Variants in CNIH3 observed in about 807,000 individuals in gnomAD.
CNIH3 encodes protein cornichon homolog 3.
In CNIH3, 14 loss-of-function variants were observed where a neutral mutation model predicts 24.1. The observed-to-expected ratio is 0.58, with a 90% CI of 0.38 to 0.91. The LOEUF (loss-of-function observed/expected upper bound fraction) is 0.91. CNIH3 is among the 40% of genes least tolerant of loss of function. The pLI is 0.00. For synonymous variants in CNIH3, 68 were observed against 73.8 expected (o/e 0.92, Z 0.40); for missense variants, 178 against 196.8 (o/e 0.90, Z 0.57).
chr1:224,717,789 C>T (rs560397410), intron 3 of CNIH3: 1 of 152,324 alleles, frequency 6.6e-6, no homozygotes, highest in South Asian at 2.1e-4. Context: ...TGTAAGGGAC[C>T]AGCCAGCGCT....
intron 1 of CNIH3, chr1:224,454,427 T>A: frequency 1.7e-6 from 1 of 593,612 alleles, no homozygotes; most frequent in Non-Finnish European, 2.1e-6. Context: ...GAACCAGTTC[T>A]CTCTTGTTTC....
chr1:224,736,328 G>A (rs973884314), intron 5 of CNIH3, among the ~76,000 whole-genome samples: 1 of 152,028 alleles, frequency 6.6e-6, no homozygotes, highest in African/African-American at 2.4e-5. Context: ...GTTTTGCTAT[G>A]TTGCCCAGGC....
intron 1 of CNIH3, among the ~76,000 whole-genome samples, chr1:224,462,897 C>CTTTTTTT (rs71572901): frequency 2.7e-5 from 2 of 73,400 alleles, no homozygotes; most frequent in African/African-American, 1.1e-4. Flanking sequence ...ATATGTTTAA[C>CTTTTTTT]TTTTTTTTTT....
chr1:224,709,321 C>T (rs1346423989), intron 3 of CNIH3, among the ~76,000 whole-genome samples: 1 of 152,160 alleles, frequency 6.6e-6, no homozygotes, highest in Non-Finnish European at 1.5e-5. Context: ...GGCATCTTTA[C>T]CTGGTTTTAC....
chr1:224,601,849 A>G (rs1416070913), intron 3 of CNIH3, among the ~76,000 whole-genome samples: 3 of 152,246 alleles, frequency 2.0e-5, no homozygotes, highest in Admixed American at 6.5e-5. Flanking sequence ...CTTTCATTGT[A>G]TCATCCAGTG....
At chr1:224,645,324 C>T (rs1468621939) in intron 1 of CNIH3, among the ~76,000 whole-genome samples, 3 of 152,252 alleles carry the variant, frequency 2.0e-5, no homozygotes, top group African/African-American at 2.4e-5. Context: ...AGAGGAGACT[C>T]AGCCCCCAAG....
At chr1:224,689,006 G>A (rs185732291) in intron 3 of CNIH3, among the ~76,000 whole-genome samples, 57 of 151,394 alleles carry the variant, frequency 3.8e-4, no homozygotes, top group Middle Eastern at 3.5e-3. Flanking sequence ...GAAGATCTCT[G>A]ACCTACAGTT....
intron 1 of CNIH3, among the ~76,000 whole-genome samples, chr1:224,498,297 G>T (rs1230150606): frequency 1.3e-5 from 2 of 152,316 alleles, no homozygotes; most frequent in South Asian, 2.1e-4. Flanking sequence ...CAGCAGTGAT[G>T]GTGGTGGCGG....
rs1245550977 is a variant in CNIH3 at position 224,730,457 on chromosome 1, TTCAGCTGGTGC to T, written c.199-3_206del. The T allele has an allele frequency of 3.2e-6, 5 of 1,547,194 alleles. No homozygotes were observed. Among genetic ancestry groups the T allele is most frequent in the Non-Finnish European group, 8.8e-7 (1 of 1,141,792 alleles). On this transcript the variant is annotated splice_acceptor_variant and splice_polypyrimidine_tract_variant and coding_sequence_variant and intron_variant, in exon 4 of 6. Transcript: ENST00000272133. LOFTEE classifies it high-confidence loss of function. ...CTCAGGGCCGTGTCTCTGCTCCCTC[TTCAGCTGGTGC>T]TGCCAGAATACTCCATCCATAGCCT...
chr1:224,476,044 T>A (rs1436891325), intron 1 of CNIH3, among the ~76,000 whole-genome samples: 1 of 152,032 alleles, frequency 6.6e-6, no homozygotes, highest in Non-Finnish European at 1.5e-5. Flanking sequence ...AAATTCAACA[T>A]CCCTTCATGA....
At position 224,617,273 on chromosome 1, in the gene CNIH3, G is replaced by T; in HGVS notation, c.81+18G>T. 3.7e-6 allele frequency: 6 copies of T among 1,612,400 alleles called. No individual in the cohort carries two copies. Among genetic ancestry groups the T allele is most frequent in the Non-Finnish European group, 5.1e-6 (6 of 1,179,384 alleles). ...TCTGGCACGTGAGTAACACGCTTTG[G>T]TCTCTCTTCTTTCGCCCCAATTTCG... On this transcript the variant is annotated intron_variant, in intron 1 of 5. Coordinates refer to ENST00000272133, the MANE Select transcript of CNIH3 (RefSeq NM_152495.2).
chr1:224,482,323 G>A (rs1257696562), intron 1 of CNIH3, among the ~76,000 whole-genome samples: 16 of 152,056 alleles, frequency 1.1e-4, no homozygotes, highest in African/African-American at 3.1e-4. Context: ...TCCTCGTAGC[G>A]ACCACAGCTG....
At chr1:224,498,398 C>T (rs1041409742) in intron 1 of CNIH3, among the ~76,000 whole-genome samples, 1 of 152,130 alleles carries the variant, frequency 6.6e-6, no homozygotes, top group Non-Finnish European at 1.5e-5. Context: ...TAACAGGAAG[C>T]CAGTAACCAG....
At chr1:224,495,195 T>G (rs531978101) in intron 1 of CNIH3, among the ~76,000 whole-genome samples, 23 of 152,292 alleles carry the variant, frequency 1.5e-4, no homozygotes, top group African/African-American at 5.1e-4. Flanking sequence ...AGCCTCCTCA[T>G]GTAAGGACTT....
intron 1 of CNIH3, among the ~76,000 whole-genome samples, chr1:224,457,273 CTCTGTGTGTGTG>C (rs1226163400): frequency 5.3e-4 from 15 of 28,074 alleles, no homozygotes; most frequent in East Asian, 5.2e-3. Context: ...TCCTCTCTCT[CTCTGTGTGTGTG>C]TGTGTGTGTG....
At chr1:224,501,649 C>T (rs1355168869) in intron 1 of CNIH3, among the ~76,000 whole-genome samples, 3 of 151,214 alleles carry the variant, frequency 2.0e-5, no homozygotes, top group African/African-American at 7.3e-5. Flanking sequence ...GGCGCGATCT[C>T]GGCTCACTAC....
chr1:224,581,972 G>C (rs562742826), intron 4 of CNIH3, among the ~76,000 whole-genome samples: 1 of 152,252 alleles, frequency 6.6e-6, no homozygotes, highest in South Asian at 2.1e-4. Flanking sequence ...GTGTGCGTGA[G>C]GTTGTAACAT....
intron 3 of CNIH3, among the ~76,000 whole-genome samples, chr1:224,687,828 G>A (rs1039662040): frequency 1.3e-5 from 2 of 152,160 alleles, no homozygotes; most frequent in East Asian, 3.8e-4. Context: ...CCACCTCCTC[G>A]AGAAGTTTTG....
intron 1 of CNIH3, among the ~76,000 whole-genome samples, chr1:224,453,003 C>G (rs1355088942): frequency 1.3e-5 from 2 of 150,740 alleles, no homozygotes; most frequent in African/African-American, 2.4e-5. Flanking sequence ...GCCTGTAATC[C>G]CAGCTACTCG....
Sources: allele counts gnomAD v4.1 joint callset (sites outside exome capture counted in the v4.1 genomes callset), GRCh38; gene constraint gnomAD v4.1.1; transcripts MANE v1.5; gene names NCBI Gene and HGNC (gene_info 2026-07-23, HGNC 2026-07-21).